MARCHF11: variants seen among roughly 807,000 people sequenced by gnomAD.
The protein encoded by MARCHF11 is E3 ubiquitin-protein ligase MARCHF11.
MARCHF11 carries 29 observed loss-of-function variants against 37.3 expected under a neutral mutation model. The observed-to-expected ratio is 0.78, with a 90% CI of 0.58 to 1.06. The LOEUF (loss-of-function observed/expected upper bound fraction) is 1.06, where lower values mean the gene tolerates loss of function less well. Among genes scored for constraint, MARCHF11 ranks in the 50% least tolerant of loss-of-function variants. The pLI is 0.00. For synonymous variants in MARCHF11, 233 were observed against 228.0 expected, an observed-to-expected ratio of 1.02 and a Z score of -0.20; for missense variants, 482 against 533.4, an observed-to-expected ratio of 0.90 and a Z score of 0.95.
At chr5:16,163,924 C>G (rs1738127763) in intron 2 of MARCHF11, among the ~76,000 whole-genome samples, 1 of 151,978 alleles carries the variant, frequency 6.6e-6, no homozygotes, top group Admixed American at 6.6e-5. Context: ...CATTTATCCC[C>G]CTTTTGACTT....
intron 3 of MARCHF11, among the ~76,000 whole-genome samples, chr5:16,086,498 T>C (rs1351936866): frequency 6.6e-6 from 1 of 152,246 alleles, no homozygotes; most frequent in Non-Finnish European, 1.5e-5. Flanking sequence ...ATAATCAGTA[T>C]CTTCCTATAG....
intron 2 of MARCHF11, among the ~76,000 whole-genome samples, chr5:16,092,936 G>A (rs559942104): frequency 6.6e-6 from 1 of 152,280 alleles, no homozygotes; most frequent in East Asian, 1.9e-4. Flanking sequence ...AAACAGATAT[G>A]AAGTGTCAGT....
chr5:16,088,249 T>C (rs1416955039), intron 3 of MARCHF11, among the ~76,000 whole-genome samples: 1 of 152,214 alleles, frequency 6.6e-6, no homozygotes, highest in African/African-American at 2.4e-5. Context: ...TTCCTGTGCA[T>C]ACGTCCACAA....
At chr5:16,111,685 A>AT (rs1737139406) in intron 2 of MARCHF11, among the ~76,000 whole-genome samples, 1 of 152,242 alleles carries the variant, frequency 6.6e-6, no homozygotes, top group African/African-American at 2.4e-5. Flanking sequence ...AGAAAGTTGC[A>AT]TAAGTAACGA....
At chr5:16,102,178 T>C (rs536016455) in intron 2 of MARCHF11, among the ~76,000 whole-genome samples, 2 of 152,286 alleles carry the variant, frequency 1.3e-5, no homozygotes, top group African/African-American at 4.8e-5. Flanking sequence ...GATCATAAGG[T>C]GGCTGAGTCA....
intron 2 of MARCHF11, among the ~76,000 whole-genome samples, chr5:16,117,810 A>AT (rs546184143): frequency 3.3e-5 from 5 of 152,188 alleles, no homozygotes; most frequent in African/African-American, 9.7e-5. Context: ...TTAGTGTTCA[A>AT]TTTTTTCTTT....
intron 2 of MARCHF11, among the ~76,000 whole-genome samples, chr5:16,154,485 G>A (rs1737934706): frequency 1.3e-5 from 2 of 151,894 alleles, no homozygotes; most frequent in African/African-American, 4.8e-5. Flanking sequence ...GTAATACAAA[G>A]GTAATCCTCA....
intron 2 of MARCHF11, among the ~76,000 whole-genome samples, chr5:16,144,070 T>TC (rs1737762523): frequency 2.6e-5 from 4 of 152,094 alleles, no homozygotes; most frequent in Admixed American, 2.6e-4. Flanking sequence ...CTGCTTACCC[T>TC]CCCTAAGCCT....
At chr5:16,093,594 G>T (rs548334693) in intron 2 of MARCHF11, among the ~76,000 whole-genome samples, 1 of 152,278 alleles carries the variant, frequency 6.6e-6, no homozygotes, top group South Asian at 2.1e-4. Flanking sequence ...CACATGAGGT[G>T]TGGCTGCTTC....
At chr5:16,120,652 G>A (rs1052216412) in intron 2 of MARCHF11, among the ~76,000 whole-genome samples, 7 of 152,196 alleles carry the variant, frequency 4.6e-5, no homozygotes, top group Admixed American at 2.6e-4. Flanking sequence ...GGCCACATGA[G>A]CGGCAGCTCC....
chr5:16,167,155 CACGTGT>C (rs1738185079), intron 2 of MARCHF11, among the ~76,000 whole-genome samples: 1 of 59,728 alleles, frequency 1.7e-5, no homozygotes, highest in Non-Finnish European at 3.7e-5. Flanking sequence ...TCTGTATACA[CACGTGT>C]GTGTGTGTGT....
intron 2 of MARCHF11, among the ~76,000 whole-genome samples, chr5:16,115,046 A>G (rs990806632): frequency 6.6e-6 from 1 of 152,142 alleles, no homozygotes; most frequent in African/African-American, 2.4e-5. Context: ...TTTGCGGTAA[A>G]AAAAAAATGT....
At chr5:16,079,800 T>A (rs2126548627) in intron 3 of MARCHF11, among the ~76,000 whole-genome samples, 1 of 152,270 alleles carries the variant, frequency 6.6e-6, no homozygotes, top group African/African-American at 2.4e-5. Flanking sequence ...GGCCTCTCAA[T>A]GTCTCATTCT....
intron 2 of MARCHF11, among the ~76,000 whole-genome samples, chr5:16,148,257 G>GA (rs140694385): frequency 1.1e-3 from 165 of 151,864 alleles, no homozygotes; most frequent in African/African-American, 3.8e-3. Flanking sequence ...TTAAATTTAT[G>GA]AAAAAAAGTA....
intron 2 of MARCHF11, among the ~76,000 whole-genome samples, chr5:16,095,484 G>GGAAA (rs1286273130): frequency 7.5e-6 from 1 of 133,944 alleles, no homozygotes; most frequent in East Asian, 2.0e-4. Flanking sequence ...AAGGAAGGAA[G>GGAAA]GGAGGGAGGG....
intron 2 of MARCHF11, among the ~76,000 whole-genome samples, chr5:16,154,954 C>A (rs1022997498): frequency 6.6e-6 from 1 of 151,830 alleles, no homozygotes. Context: ...TTTAATGGCT[C>A]ATATTCAAAA....
chr5:16,165,075 T>C (rs897455123), intron 2 of MARCHF11, among the ~76,000 whole-genome samples: 9 of 152,024 alleles, frequency 5.9e-5, no homozygotes, highest in African/African-American at 2.2e-4. Context: ...AAACACTCAG[T>C]CCCTTCCCTG....
chr5:16,120,544 A>G (rs942960614), intron 2 of MARCHF11, among the ~76,000 whole-genome samples: 5 of 152,242 alleles, frequency 3.3e-5, no homozygotes, highest in Admixed American at 2.0e-4. Context: ...TACAATGGAT[A>G]TTCTGAACAA....
chr5:16,115,922 C>A (rs572829377), intron 2 of MARCHF11, among the ~76,000 whole-genome samples: 1 of 152,034 alleles, frequency 6.6e-6, no homozygotes, highest in Admixed American at 6.6e-5. Context: ...CCACCATGCC[C>A]GGGTGCTTGT....
Sources: gnomAD v4.1 joint callset for allele counts (sites outside exome capture counted in the v4.1 genomes callset) on GRCh38, gnomAD v4.1.1 for gene constraint, MANE v1.5 for transcripts, NCBI Gene and HGNC (gene_info 2026-07-23, HGNC 2026-07-21) for gene names.